The following TIRAP variants were observed in gnomAD, a reference collection of about 807,000 sequenced individuals.
TIRAP encodes the protein TIR domain containing adaptor protein.
TIRAP carries 20 observed loss-of-function variants against 19.8 expected under a neutral mutation model. That is an observed-to-expected ratio of 1.01 (90% CI 0.71 to 1.47). The LOEUF (loss-of-function observed/expected upper bound fraction) is 1.47, where lower values mean the gene tolerates loss of function less well. Among genes scored for constraint, TIRAP ranks in the 40% most tolerant of loss-of-function variants. The pLI, the probability that TIRAP is intolerant of heterozygous loss-of-function variation, is 0.00. For missense variants in TIRAP, 276 were observed against 285.1 expected (o/e 0.97, Z 0.23); for synonymous variants, 125 against 121.7 (o/e 1.03, Z -0.18).
chr11:126,285,269 T>TAA (rs1951308226), intron 1 of TIRAP, among the ~76,000 whole-genome samples: 3 of 143,394 alleles, frequency 2.1e-5, no homozygotes, highest in African/African-American at 7.6e-5. Flanking sequence ...ATAATATATA[T>TAA]TTTATTTGAT....
chr11:126,287,005 A>T lies in TIRAP; in HGVS notation c.-216-3457A>T, dbSNP rs1951329468. Among the ~76,000 whole-genome samples, 1 of 152,152 alleles carries T rather than the reference A, an allele frequency of 6.6e-6. No homozygotes were observed. Among genetic ancestry groups the T allele is most frequent in the Admixed American group, 6.5e-5 (1 of 15,274 alleles). ...CAGACCTTCCTGCCTCCCTCTTGAA[A>T]GGATCTTTGTGGTTACATTAAACTC... On this transcript the variant is annotated intron_variant, in intron 1 of 4. Coordinates refer to ENST00000392679, the MANE Select transcript of TIRAP (RefSeq NM_001318777.2). This position sits in a 1 kb window ranked among gnomAD's most constrained non-coding sequence, Gnocchi z 4.2.
chr11:126,293,059 A>C lies in TIRAP; in HGVS notation c.646+4A>C. ...GTCAAAGAAGCTGTCATGCGTTGTA[A>C]GCTACTACAGGAGGGAGAAGGGGAA... On this transcript the variant is annotated splice_donor_region_variant and intron_variant, in intron 4 of 4. Transcript: ENST00000392679. The C allele has an allele frequency of 6.2e-7, 1 of 1,614,174 alleles. No individual in the cohort carries two copies.
rs370902644 is a variant in TIRAP at position 126,292,454 on chromosome 11, T to G, written c.68-23T>G. 9.1e-5 allele frequency: 146 copies of G among 1,612,104 alleles called. 1 individual carries two copies. In the African/African-American group the frequency reaches 1.8e-3, roughly 20 times the overall value. ...GAGGGCACCTGGTAACACACAGGCC[T>G]GAGCAGTGTTTCTCCCCCACAGACT... On this transcript the variant is annotated intron_variant, in intron 3 of 4. Coordinates refer to ENST00000392679, the MANE Select transcript of TIRAP (RefSeq NM_001318777.2).
At position 126,292,520 on chromosome 11, in the gene TIRAP, C is replaced by A; in HGVS notation, c.111C>A (p.Pro37=). The change falls in exon 4 of 5, where the codon CCC becomes CCA. Residue 37 remains proline, a synonymous_variant. Coordinates refer to ENST00000392679, the MANE Select transcript of TIRAP (RefSeq NM_001318777.2). ...TGCTGAAGAAGCCCAAGAAGAGGCC[C>A]AACTCCCCAGAAAGCACCTCCAGCG... ...QTLLKKPKKR[P]NSPESTSSDA... is the part of the protein sequence containing the mutation. 1 of 1,614,000 alleles carries A rather than the reference C, an allele frequency of 6.2e-7. No homozygotes were observed. The highest frequency in any genetic ancestry group is 8.5e-7 in the Non-Finnish European group (1 of 1,179,988).
rs567808997 is a variant in TIRAP, at chr11:126,288,050, G to T, written c.-216-2412G>T. On this transcript the variant is annotated intron_variant, in intron 1 of 4. Transcript: ENST00000392679. The surrounding 1 kb of genome is among the most constrained non-coding windows in gnomAD (Gnocchi z 5.0). ...ATTACAGGGGAGCACCAGCACACCC[G>T]GCTAAATTTTGTATTTTTAGTAGAG... Among the ~76,000 whole-genome samples, 1 of 151,380 alleles carries T rather than the reference G, an allele frequency of 6.6e-6. No individual in the cohort carries two copies. The highest frequency in any genetic ancestry group is 1.5e-5 in the Non-Finnish European group (1 of 67,914).
In TIRAP at chr11:126,293,422, T is replaced by C. The variant is rs1461274171; in HGVS notation, c.647-246T>C. ...GTAGTAACAGTAATAGCATTAGGTTTCTCTGAGATCAGGCTGGAGATGTCC... is the reference window on the plus strand; with the variant it reads ...GTAGTAACAGTAATAGCATTAGGTTCCTCTGAGATCAGGCTGGAGATGTCC... On this transcript the variant is annotated intron_variant, in intron 4 of 4. Coordinates refer to ENST00000392679, the MANE Select transcript of TIRAP (RefSeq NM_001318777.2). 5.6e-6 allele frequency: 4 copies of C among 708,002 alleles called. No homozygotes were observed. The Admixed American group carries it at 6.0e-5, about 11-fold the overall frequency. 43.9% of individuals were successfully genotyped at this position (708,002 alleles called of 1,614,324 possible).
At chr11:126,286,290 A>G (rs1364627246) in intron 1 of TIRAP, among the ~76,000 whole-genome samples, 2 of 150,216 alleles carry the variant, frequency 1.3e-5, no homozygotes, top group Non-Finnish European at 3.0e-5. Context: ...ACTTGAACCC[A>G]GGAGGCAGAG....
rs771932352 is a variant in TIRAP, at chr11:126,293,670, C to G, written c.649C>G (p.Leu217Val). ...RQVKEAVMRY[L>V]QTLS ...ACGCTGTGATTGGTCTCTTTCAGATCTGCAGACACTCAGTTGACACTTGTT... is the reference window on the plus strand; with the variant it reads ...ACGCTGTGATTGGTCTCTTTCAGATGTGCAGACACTCAGTTGACACTTGTT... The change falls in exon 5 of 5, where the codon CTG (leucine) becomes GTG (valine). Residue 217 changes from leucine (L) to valine (V), a missense_variant and splice_region_variant. Physicochemically the swap from Leu to Val is conservative, Grantham distance 32. Coordinates refer to ENST00000392679, the MANE Select transcript of TIRAP (RefSeq NM_001318777.2). 1.2e-6 allele frequency: 2 copies of G among 1,614,026 alleles called. No individual in the cohort carries two copies. The highest frequency in any genetic ancestry group is 1.7e-6 in the Non-Finnish European group (2 of 1,180,026).
Position 126,292,666 on chromosome 11 carries a change from A to AT in TIRAP, c.258dup (p.Asp87Ter). 1 of 1,614,064 alleles carries AT rather than the reference A, an allele frequency of 6.2e-7. No homozygotes were observed. On this transcript the variant is annotated frameshift_variant, in exon 4 of 5. Transcript: ENST00000392679. LOFTEE classifies it high-confidence loss of function. ...GGCAGTAGTCGCTGGAGCAAAGACT[A>AT]TGACGTCTGCGTGTGCCACAGTGAG...
intron 1 of TIRAP, among the ~76,000 whole-genome samples, chr11:126,285,243 G>GTATATATATATA (rs1555068788): frequency 2.8e-5 from 3 of 106,968 alleles, no homozygotes; most frequent in African/African-American, 7.1e-5. Context: ...GTGTGTGTGT[G>GTATATATATATA]TATATATATA....
chr11:126,293,725 A>C lies in TIRAP; in HGVS notation c.*38A>C. 1 of 1,613,142 alleles carries C rather than the reference A, an allele frequency of 6.2e-7. No homozygotes were observed. Among genetic ancestry groups the C allele is most frequent in the Non-Finnish European group, 8.5e-7 (1 of 1,179,096 alleles). On this transcript the variant is annotated 3_prime_UTR_variant, in exon 5 of 5. Coordinates refer to ENST00000392679, the MANE Select transcript of TIRAP (RefSeq NM_001318777.2). Reference sequence around the variant, plus strand: ...CATGGGACCCCGGAAATTGGAGTGAAGCTAGAAACAGAAAACCCATGCAGG... The same window carrying C: ...CATGGGACCCCGGAAATTGGAGTGACGCTAGAAACAGAAAACCCATGCAGG...
In TIRAP at chr11:126,294,012, T is replaced by C. The variant is rs899758136; in HGVS notation, c.*325T>C. On this transcript the variant is annotated 3_prime_UTR_variant, in exon 5 of 5. Transcript: ENST00000392679. The stretch of plus-strand genomic sequence containing the variant: ...GGTAGGAAGTGGTACTGATCAATGA[T>C]GGCCAGCAGGACTCATCTCCTGCCT... 16 of 387,962 alleles carry C rather than the reference T, an allele frequency of 4.1e-5. No individual in the cohort carries two copies. In the East Asian group the frequency reaches 4.2e-4, roughly 10 times the overall value. 24.0% of individuals were successfully genotyped at this position (387,962 alleles called of 1,614,324 possible). A position where few individuals can be genotyped will look rare whatever the true frequency, so the allele number is the denominator to read the frequency against.
In TIRAP at chr11:126,288,736, T is replaced by G. The variant is rs997549059; in HGVS notation, c.-216-1726T>G. 9.2e-5 allele frequency among the ~76,000 whole-genome samples: 14 copies of G among 152,210 alleles called. No homozygotes were observed. Among genetic ancestry groups the G allele is most frequent in the Non-Finnish European group, 1.3e-4 (9 of 68,042 alleles). On this transcript the variant is annotated intron_variant, in intron 1 of 4. Coordinates refer to ENST00000392679, the MANE Select transcript of TIRAP (RefSeq NM_001318777.2). This position sits in a 1 kb window ranked among gnomAD's most constrained non-coding sequence, Gnocchi z 5.0. ...CATGCGTTGCCAAAAGGGCAAGTCA[T>G]TTCATAAAATGAGAAACTGAAACTT... is the stretch of plus-strand genomic sequence containing the variant.
Position 126,287,504 on chromosome 11 carries a change from A to G in TIRAP, c.-216-2958A>G, listed in dbSNP as rs912262073. ...CTTAGCTAATTTTTGTATTTTTAGT[A>G]GAGACAGGGTTTCACCATGTTGGCC... On this transcript the variant is annotated intron_variant, in intron 1 of 4. Coordinates refer to ENST00000392679, the MANE Select transcript of TIRAP (RefSeq NM_001318777.2). This position sits in a 1 kb window ranked among gnomAD's most constrained non-coding sequence, Gnocchi z 4.2. Among the ~76,000 whole-genome samples, 1 of 152,080 alleles carries G rather than the reference A, an allele frequency of 6.6e-6. No individual in the cohort carries two copies. The highest frequency in any genetic ancestry group is 2.4e-5 in the African/African-American group (1 of 41,408).
chr11:126,289,783 A>G (rs1951359708), intron 1 of TIRAP: 1 of 985,414 alleles, frequency 1.0e-6, no homozygotes, highest in African/African-American at 1.7e-5. Flanking sequence ...AGGCTGAAAG[A>G]GTGTCCGCCA....
At position 126,294,822 on chromosome 11, in the gene TIRAP, G is replaced by A. The variant is rs920993242; in HGVS notation, c.*1135G>A. On this transcript the variant is annotated 3_prime_UTR_variant, in exon 5 of 5. Coordinates refer to ENST00000392679, the MANE Select transcript of TIRAP (RefSeq NM_001318777.2). ...TAAATTATAAACTATTTTGCCAGGC[G>A]CCATGGCTCACACCTGTAATCTCAG... 4.1e-5 allele frequency: 12 copies of A among 294,900 alleles called. No individual in the cohort carries two copies. The highest frequency in any genetic ancestry group is 1.8e-4 in the African/African-American group (8 of 44,934). 18.3% of individuals were successfully genotyped at this position (294,900 alleles called of 1,614,324 possible). A position where few individuals can be genotyped will look rare whatever the true frequency, so the allele number is the denominator to read the frequency against.
rs751650628 is a variant in TIRAP, at chr11:126,294,472, C to G, written c.*785C>G. The G allele has an allele frequency of 8.8e-6, 4 of 455,376 alleles. No individual in the cohort carries two copies. The highest frequency in any genetic ancestry group is 1.8e-5 in the Non-Finnish European group (4 of 226,658). 28.2% of individuals were successfully genotyped at this position (455,376 alleles called of 1,614,324 possible). A position where few individuals can be genotyped will look rare whatever the true frequency, so the allele number is the denominator to read the frequency against. ...GGTTCAATGCCTTCACCTGAGATCA[C>G]AAGCCCATGGATGCTGTGACATCTG... On this transcript the variant is annotated 3_prime_UTR_variant, in exon 5 of 5. Transcript: ENST00000392679.
chr11:126,292,579 T>A lies in TIRAP; in HGVS notation c.170T>A (p.Leu57Gln), dbSNP rs1463355335. 2 of 1,613,968 alleles carry A rather than the reference T, an allele frequency of 1.2e-6. No individual in the cohort carries two copies. Among genetic ancestry groups the A allele is most frequent in the African/African-American group, 2.7e-5 (2 of 74,906 alleles). Residue 57 changes from leucine to glutamine, a missense_variant, in exon 4 of 5, where the codon CTA becomes CAA. Leu to Gln is a moderately radical substitution (Grantham distance 113, BLOSUM62 -2). Coordinates refer to ENST00000392679, the MANE Select transcript of TIRAP (RefSeq NM_001318777.2). ...CAGCCTACCTCACAGGACAGCCCAC[T>A]ACCCCCAAGCCTCAGCTCAGTCACG... ...ASQPTSQDSP[L>Q]PPSLSSVTSP...
At position 126,286,054 on chromosome 11, in the gene TIRAP, GA is replaced by G. The variant is rs1182840430; in HGVS notation, c.-217+2925del. 7.9e-3 allele frequency among the ~76,000 whole-genome samples: 384 copies of G among 48,368 alleles called. 2 individuals are homozygous for G. The highest frequency in any genetic ancestry group is 0.021 in the African/African-American group (243 of 11,796). The allele number at this position is 48,368 out of a possible 152,430, so 31.7% of individuals were successfully genotyped here. A position where few individuals can be genotyped will look rare whatever the true frequency, so the allele number is the denominator to read the frequency against. ...GGGTGACAGAGCAAGACCCTCTCTG[GA>G]AAAAAAAAAAAAAAAAAAAAAAAGG... On this transcript the variant is annotated intron_variant, in intron 1 of 4. Coordinates refer to ENST00000392679, the MANE Select transcript of TIRAP (RefSeq NM_001318777.2).
Sources: gnomAD v4.1 joint callset for allele counts (sites outside exome capture counted in the v4.1 genomes callset) on GRCh38, gnomAD v4.1.1 for gene constraint, Gnocchi (gnomAD v3.1) non-coding constraint, MANE v1.5 for transcripts, NCBI Gene and HGNC (gene_info 2026-07-23, HGNC 2026-07-21) for gene names.